Variants in LRRC37A2 observed in about 807,000 individuals in gnomAD.
LRRC37A2 encodes leucine rich repeat containing 37 member A2, also known as leucine-rich repeat-containing protein 37A2.
In LRRC37A2, 9 loss-of-function variants were observed where a neutral mutation model predicts 68.8. That is an observed-to-expected ratio of 0.13 (90% CI 0.08 to 0.23). The LOEUF is 0.23. LRRC37A2 is among the 10% of genes least tolerant of loss of function. LRRC37A2 has a pLI of 1.00. For missense variants in LRRC37A2, 168 were observed against 950.4 expected (o/e 0.18, Z 10.82); for synonymous variants, 63 against 367.6 (o/e 0.17, Z 9.48).
At chr17:46,803,101 G>T in the LRRC37A2 span, among the ~76,000 whole-genome samples, 1 of 152,218 alleles carries the variant, frequency 6.6e-6, no homozygotes, top group Non-Finnish European at 1.5e-5. Flanking sequence ...ATTAGAGGAC[G>T]CTGGCTGATG....
chr17:46,961,780 T>C, the LRRC37A2 span, among the ~76,000 whole-genome samples: 1 of 152,132 alleles, frequency 6.6e-6, no homozygotes, highest in African/African-American at 2.4e-5. Flanking sequence ...AAAGCTAGTA[T>C]AGAAATATTA....
At chr17:46,820,484 G>GA in the LRRC37A2 span, among the ~76,000 whole-genome samples, 1 of 152,044 alleles carries the variant, frequency 6.6e-6, no homozygotes, top group Non-Finnish European at 1.5e-5. Flanking sequence ...AGGGGCAGGG[G>GA]GGAGGCGGAG....
chr17:46,406,101 A>G, the LRRC37A2 span, among the ~76,000 whole-genome samples: 1 of 69,622 alleles, frequency 1.4e-5, no homozygotes, highest in African/African-American at 5.9e-5. Flanking sequence ...GATAATATAC[A>G]TAAAATTTGA....
chr17:46,905,685 G>T, the LRRC37A2 span, among the ~76,000 whole-genome samples: 1 of 152,182 alleles, frequency 6.6e-6, no homozygotes, highest in African/African-American at 2.4e-5. Flanking sequence ...AGCCCAGTGT[G>T]CATCAGATGG....
At chr17:46,499,621 A>G in the LRRC37A2 span, among the ~76,000 whole-genome samples, 23 of 113,784 alleles carry the variant, frequency 2.0e-4, 2 homozygotes, top group African/African-American at 9.1e-4. Flanking sequence ...GGCATGAGTA[A>G]TTGCCTGTAA....
At chr17:46,759,736 T>C in the LRRC37A2 span, among the ~76,000 whole-genome samples, 1 of 152,202 alleles carries the variant, frequency 6.6e-6, no homozygotes, top group Non-Finnish European at 1.5e-5. Context: ...TCTTTTTCCC[T>C]ACCTTCTTTC....
the LRRC37A2 span, among the ~76,000 whole-genome samples, chr17:46,741,445 A>T: frequency 1.3e-5 from 2 of 152,180 alleles, no homozygotes; most frequent in East Asian, 1.9e-4. Context: ...TTGCAGCACC[A>T]TGAGGATGGT....
At chr17:47,043,430 C>T in the LRRC37A2 span, among the ~76,000 whole-genome samples, 4 of 149,570 alleles carry the variant, frequency 2.7e-5, no homozygotes, top group African/African-American at 7.3e-5. Context: ...ACCCGGGAGG[C>T]GGAGATTGCA....
the LRRC37A2 span, among the ~76,000 whole-genome samples, chr17:46,905,780 T>TGTGTGTGTGTGTG: frequency 8.5e-6 from 1 of 116,962 alleles, no homozygotes; most frequent in African/African-American, 3.2e-5. Context: ...CTCTGTGTGT[T>TGTGTGTGTGTGTG]TGTGTGTGTG....
At chr17:47,010,023 G>A in the LRRC37A2 span, among the ~76,000 whole-genome samples, 3 of 152,226 alleles carry the variant, frequency 2.0e-5, no homozygotes, top group Non-Finnish European at 2.9e-5. Flanking sequence ...GCTGACTGTA[G>A]CTGGCAGGTC....
At chr17:46,874,917 A>T in the LRRC37A2 span, 1 of 884,218 alleles carries the variant, frequency 1.1e-6, no homozygotes, top group Non-Finnish European at 1.9e-6. Context: ...GTCAGAATTT[A>T]AGGGGCAGTT....
chr17:46,541,564 A>AT (rs1461616499), intron 8 of LRRC37A2, among the ~76,000 whole-genome samples: 3 of 150,658 alleles, frequency 2.0e-5, no homozygotes, highest in Non-Finnish European at 4.4e-5. Context: ...ACTCAGCAGA[A>AT]TTTTTTTTGA....
the LRRC37A2 span, among the ~76,000 whole-genome samples, chr17:46,842,414 G>A: frequency 2.0e-4 from 31 of 152,166 alleles, no homozygotes; most frequent in Non-Finnish European, 3.5e-4. Context: ...TCCCTCTGTC[G>A]CCCAGGCTGG....
the LRRC37A2 span, among the ~76,000 whole-genome samples, chr17:46,855,949 A>G: frequency 6.6e-6 from 1 of 152,108 alleles, no homozygotes; most frequent in Non-Finnish European, 1.5e-5. Flanking sequence ...TCAGCCTCCC[A>G]AACTGCTGGG....
the LRRC37A2 span, among the ~76,000 whole-genome samples, chr17:46,685,151 C>T: frequency 7.0e-6 from 1 of 143,506 alleles, no homozygotes; most frequent in Non-Finnish European, 1.5e-5. Flanking sequence ...AAACACTAGG[C>T]AGAAGTGAGT....
the LRRC37A2 span, among the ~76,000 whole-genome samples, chr17:46,955,164 G>C: frequency 6.6e-6 from 1 of 151,894 alleles, no homozygotes; most frequent in Middle Eastern, 3.4e-3. Context: ...GTCATAGATA[G>C]CTCTTATTAT....
the LRRC37A2 span, among the ~76,000 whole-genome samples, chr17:46,900,190 T>A: frequency 1.0e-5 from 1 of 99,410 alleles, no homozygotes; most frequent in Non-Finnish European, 1.9e-5. Context: ...TATATATATA[T>A]ATATATATAT....
At chr17:47,009,843 G>A in the LRRC37A2 span, among the ~76,000 whole-genome samples, 7 of 152,250 alleles carry the variant, frequency 4.6e-5, no homozygotes, top group Non-Finnish European at 8.8e-5. Context: ...CTGTTTCGGA[G>A]GGAAGAGTGG....
chr17:46,760,335 T>C, the LRRC37A2 span, among the ~76,000 whole-genome samples: 1 of 151,968 alleles, frequency 6.6e-6, no homozygotes, highest in Non-Finnish European at 1.5e-5. Flanking sequence ...GGCAATCTTA[T>C]TGATTGAAAA....
Sources: allele counts gnomAD v4.1 joint callset (sites outside exome capture counted in the v4.1 genomes callset), GRCh38; gene constraint gnomAD v4.1.1; transcripts MANE v1.5; gene names NCBI Gene and HGNC (gene_info 2026-07-23, HGNC 2026-07-21).